TNFRSF21: variants seen among roughly 807,000 people sequenced by gnomAD.
TNFRSF21 encodes the protein tumor necrosis factor receptor superfamily member 21.
A neutral mutation model predicts 45.6 loss-of-function variants in TNFRSF21; 19 were observed. That is an observed-to-expected ratio of 0.42 (90% CI 0.29 to 0.61). The LOEUF is 0.61. Among genes scored for constraint, TNFRSF21 ranks in the 20% least tolerant of loss-of-function variants. The pLI is 0.23. For synonymous variants in TNFRSF21, 314 were observed against 335.5 expected (o/e 0.94, Z 0.70); for missense variants, 737 against 851.5 (o/e 0.87, Z 1.67).
intron 3 of TNFRSF21, among the ~76,000 whole-genome samples, chr6:47,264,456 A>G (rs1244113878): frequency 1.3e-5 from 2 of 149,826 alleles, no homozygotes; most frequent in Non-Finnish European, 3.0e-5. Flanking sequence ...CAGAGGTTGC[A>G]GTGAGCTGAG....
chr6:47,234,270 C>T (rs1764629321), intron 5 of TNFRSF21, among the ~76,000 whole-genome samples: 1 of 152,184 alleles, frequency 6.6e-6, no homozygotes, highest in Non-Finnish European at 1.5e-5. Flanking sequence ...AGCTGCTGCG[C>T]ACGGCCTAAA....
chr6:47,297,667 C>T (rs750690815), intron 1 of TNFRSF21, among the ~76,000 whole-genome samples: 27 of 152,046 alleles, frequency 1.8e-4, no homozygotes, highest in Admixed American at 3.9e-4. Flanking sequence ...GGATTACAGG[C>T]GTGTGCCACC....
Position 47,284,299 on chromosome 6 carries a change from G to A in TNFRSF21, c.882C>T (p.Asn294=), listed in dbSNP as rs781226199. ...GKEDVNKTLP[N]LQVVNHQQGP... ...CTTGCTGGTGGTTGACTACCTGAAGGTTTGGGAGGGTCTTGTTCACGTCTT... is the reference window on the plus strand; with the variant it reads ...CTTGCTGGTGGTTGACTACCTGAAGATTTGGGAGGGTCTTGTTCACGTCTT... The change falls in exon 3 of 6, where the codon AAC becomes AAT. Residue 294 remains asparagine (N), a synonymous_variant. Transcript: ENST00000296861. 5.2e-5 allele frequency: 83 copies of A among 1,608,610 alleles called. No homozygotes were observed. Among genetic ancestry groups the A allele is most frequent in the Non-Finnish European group, 6.9e-5 (81 of 1,177,558 alleles).
intron 4 of TNFRSF21, among the ~76,000 whole-genome samples, chr6:47,238,281 A>G (rs1216491503): frequency 6.6e-6 from 1 of 152,232 alleles, no homozygotes; most frequent in Non-Finnish European, 1.5e-5. Flanking sequence ...TGGACACGGC[A>G]TTCATACATG....
At chr6:47,277,457 C>T (rs978852666) in intron 3 of TNFRSF21, among the ~76,000 whole-genome samples, 4 of 152,188 alleles carry the variant, frequency 2.6e-5, no homozygotes, top group Non-Finnish European at 5.9e-5. Flanking sequence ...TTTGCACCCT[C>T]GTCCTCATCA....
chr6:47,255,272 C>T (rs1041566612), intron 3 of TNFRSF21, among the ~76,000 whole-genome samples: 1 of 152,156 alleles, frequency 6.6e-6, no homozygotes, highest in African/African-American at 2.4e-5. Context: ...ACCAACCGTT[C>T]GTGAGGGGAG....
chr6:47,238,269 T>C (rs1307818129), intron 4 of TNFRSF21, among the ~76,000 whole-genome samples: 2 of 152,250 alleles, frequency 1.3e-5, no homozygotes, highest in East Asian at 3.9e-4. Flanking sequence ...GTGAAATGTT[T>C]GTGGACACGG....
chr6:47,248,691 C>A (rs1764856756), intron 4 of TNFRSF21, among the ~76,000 whole-genome samples: 1 of 152,218 alleles, frequency 6.6e-6, no homozygotes, highest in Admixed American at 6.5e-5. Flanking sequence ...GGGCACTGAA[C>A]CCAGATAGCA....
intron 3 of TNFRSF21, among the ~76,000 whole-genome samples, chr6:47,260,573 A>C (rs1034108151): frequency 6.6e-6 from 1 of 152,328 alleles, no homozygotes; most frequent in African/African-American, 2.4e-5. Flanking sequence ...TTTAATAAAA[A>C]CCCAAATTGA....
At chr6:47,268,152 C>T (rs1762362036) in intron 3 of TNFRSF21, among the ~76,000 whole-genome samples, 1 of 152,188 alleles carries the variant, frequency 6.6e-6, no homozygotes. Flanking sequence ...TCCAGGCTCC[C>T]CACTGACTCG....
chr6:47,273,676 A>T (rs1198965283), intron 3 of TNFRSF21, among the ~76,000 whole-genome samples: 1 of 152,234 alleles, frequency 6.6e-6, no homozygotes, highest in Non-Finnish European at 1.5e-5. Flanking sequence ...ATCAGGCAAG[A>T]GAAAGAAATA....
At chr6:47,299,097 CA>C (rs1308942321) in intron 1 of TNFRSF21, among the ~76,000 whole-genome samples, 3 of 152,188 alleles carry the variant, frequency 2.0e-5, no homozygotes, top group African/African-American at 7.2e-5. Flanking sequence ...CAGAATAGTT[CA>C]TTGCAAAGAG....
intron 3 of TNFRSF21, among the ~76,000 whole-genome samples, chr6:47,279,293 G>A (rs1022228552): frequency 6.6e-6 from 1 of 152,176 alleles, no homozygotes; most frequent in Non-Finnish European, 1.5e-5. Context: ...GAAGAAAGAA[G>A]GAAAAGGGAA....
At chr6:47,257,641 G>A (rs1457714162) in intron 3 of TNFRSF21, among the ~76,000 whole-genome samples, 2 of 152,170 alleles carry the variant, frequency 1.3e-5, no homozygotes, top group South Asian at 2.1e-4. Context: ...TTTGGGGAGG[G>A]GGAAGGAGCA....
chr6:47,236,875 T>C (rs1764670937), intron 4 of TNFRSF21, among the ~76,000 whole-genome samples: 2 of 152,198 alleles, frequency 1.3e-5, no homozygotes, highest in Admixed American at 1.3e-4. Context: ...TAGTACACTG[T>C]TCTTGCTTAA....
At chr6:47,297,071 T>C (rs1762798817) in intron 1 of TNFRSF21, among the ~76,000 whole-genome samples, 1 of 152,176 alleles carries the variant, frequency 6.6e-6, no homozygotes, top group Admixed American at 6.5e-5. Context: ...GTCTTTAAAC[T>C]GTGGGATCCG....
chr6:47,248,489 TG>T (rs1764853747), intron 4 of TNFRSF21, among the ~76,000 whole-genome samples: 1 of 150,378 alleles, frequency 6.6e-6, no homozygotes, highest in South Asian at 2.1e-4. Flanking sequence ...AAGGGGGGAG[TG>T]AAAAAAAAAC....
intron 2 of TNFRSF21, 111 bp from the exon 3 acceptor site, chr6:47,284,543 G>T: frequency 1.6e-6 from 2 of 1,237,656 alleles, no homozygotes; most frequent in Non-Finnish European, 2.1e-6. Context: ...AAGATAAGAT[G>T]ACCCTTGGGG....
chr6:47,271,518 A>T (rs1280718903), intron 3 of TNFRSF21, among the ~76,000 whole-genome samples: 2 of 152,176 alleles, frequency 1.3e-5, no homozygotes, highest in African/African-American at 2.4e-5. Flanking sequence ...AAGGAAGCAC[A>T]AAACATGCAG....
Sources: allele counts gnomAD v4.1 joint callset (sites outside exome capture counted in the v4.1 genomes callset), GRCh38; gene constraint gnomAD v4.1.1; transcripts MANE v1.5; gene names NCBI Gene and HGNC (gene_info 2026-07-23, HGNC 2026-07-21).